The following KCNIP4 variants were observed in gnomAD, a reference collection of about 807,000 sequenced individuals.
KCNIP4 encodes the protein potassium voltage-gated channel interacting protein 4, also known as Kv channel-interacting protein 4.
In KCNIP4, 12 loss-of-function variants were observed where a neutral mutation model predicts 34.0. The observed-to-expected ratio is 0.35, with a 90% CI of 0.23 to 0.57. The LOEUF (loss-of-function observed/expected upper bound fraction) is 0.57. Among genes scored for constraint, KCNIP4 ranks in the 20% least tolerant of loss-of-function variants. KCNIP4 has a pLI of 0.83. For synonymous variants in KCNIP4, 124 were observed against 102.2 expected, an observed-to-expected ratio of 1.21 and a Z score of -1.29; for missense variants, 238 against 311.7, an observed-to-expected ratio of 0.76 and a Z score of 1.78.
intron 1 of KCNIP4, among the ~76,000 whole-genome samples, chr4:20,886,254 G>T (rs537560651): frequency 3.3e-5 from 5 of 152,224 alleles, no homozygotes; most frequent in African/African-American, 1.2e-4. Context: ...AATCCCAGAG[G>T]TGTGCTTCAC....
At chr4:20,944,784 T>C (rs1385318517) in intron 1 of KCNIP4, among the ~76,000 whole-genome samples, 1 of 152,178 alleles carries the variant, frequency 6.6e-6, no homozygotes, top group Admixed American at 6.5e-5. Context: ...CCAGGAAGCT[T>C]TGGGGACAAG....
intron 4 of KCNIP4, among the ~76,000 whole-genome samples, chr4:20,754,297 A>G (rs906102994): frequency 6.6e-6 from 1 of 152,160 alleles, no homozygotes; most frequent in Non-Finnish European, 1.5e-5. Flanking sequence ...ACACAATACA[A>G]ATTGCAGAGA....
At chr4:21,643,702 A>T (rs1182084156) in intron 1 of KCNIP4, among the ~76,000 whole-genome samples, 1 of 152,172 alleles carries the variant, frequency 6.6e-6, no homozygotes, top group Admixed American at 6.5e-5. Context: ...CCCTTCAGCA[A>T]GAAGAAACTC....
intron 1 of KCNIP4, among the ~76,000 whole-genome samples, chr4:21,270,717 T>G (rs1278521125): frequency 6.6e-6 from 1 of 152,140 alleles, no homozygotes; most frequent in Non-Finnish European, 1.5e-5. Context: ...CCAGGTGCGG[T>G]GGCTCACACC....
chr4:21,669,197 C>G (rs1749271066), intron 1 of KCNIP4, among the ~76,000 whole-genome samples: 1 of 145,596 alleles, frequency 6.9e-6, no homozygotes, highest in Non-Finnish European at 1.5e-5. Context: ...GCAAACATAG[C>G]TTGCTGCAGC....
intron 1 of KCNIP4, among the ~76,000 whole-genome samples, chr4:21,364,881 T>C (rs200511217): frequency 1.3e-5 from 2 of 152,148 alleles, no homozygotes; most frequent in East Asian, 3.9e-4. Flanking sequence ...GAGTTGGACT[T>C]CGATGGTTGG....
chr4:21,182,583 C>T (rs1302704347), intron 1 of KCNIP4, among the ~76,000 whole-genome samples: 1 of 151,772 alleles, frequency 6.6e-6, no homozygotes, highest in Non-Finnish European at 1.5e-5. Context: ...TACATTGTAC[C>T]CATTAAGTAA....
In KCNIP4 at chr4:20,925,116, A is replaced by T. The variant is rs1322325507; in HGVS notation, c.62-42407T>A. Among the ~76,000 whole-genome samples the T allele has an allele frequency of 1.2e-4, 18 of 152,210 alleles. 1 individual carries two copies. The highest frequency in any genetic ancestry group is 1.2e-3 in the Admixed American group (18 of 15,278). ...GCTAGTACCATGCTTGTTGCATAAGAGAGAGGCTAATTCATTATATGCAAA... is the reference window on the plus strand; with the variant it reads ...GCTAGTACCATGCTTGTTGCATAAGTGAGAGGCTAATTCATTATATGCAAA... On this transcript the variant is annotated intron_variant, in intron 1 of 8. Transcript: ENST00000382152.
At chr4:21,773,769 T>TTTG (rs1553930270) in intron 1 of KCNIP4, among the ~76,000 whole-genome samples, 3 of 144,258 alleles carry the variant, frequency 2.1e-5, no homozygotes, top group African/African-American at 7.6e-5. Flanking sequence ...GTTTGTTTGT[T>TTTG]TTTGTTTTGT....
In KCNIP4 at chr4:20,773,443, C is replaced by T. The variant is rs147975619; in HGVS notation, c.289-14553G>A. Among the ~76,000 whole-genome samples, 440 of 152,224 alleles carry T rather than the reference C, an allele frequency of 2.9e-3. 1 individual carries two copies. Among genetic ancestry groups the T allele is most frequent in the African/African-American group, 0.01 (426 of 41,536 alleles). ...GTAAAGCCTCTGTCTCCTCTCCATG[C>T]CAGGCAAAATGACCCAAAAGGAAAC... On this transcript the variant is annotated intron_variant, in intron 3 of 8. Coordinates refer to ENST00000382152, the MANE Select transcript of KCNIP4 (RefSeq NM_025221.6).
intron 1 of KCNIP4, among the ~76,000 whole-genome samples, chr4:21,791,777 G>A (rs1388438959): frequency 2.0e-5 from 3 of 151,850 alleles, no homozygotes; most frequent in Non-Finnish European, 2.9e-5. Flanking sequence ...CGAGGTGGGC[G>A]GATCACCTGA....
At chr4:21,610,217 A>G (rs1262674178) in intron 1 of KCNIP4, among the ~76,000 whole-genome samples, 1 of 152,262 alleles carries the variant, frequency 6.6e-6, no homozygotes, top group Non-Finnish European at 1.5e-5. Flanking sequence ...ATTTATTTTC[A>G]CACAGTTCTG....
chr4:21,904,533 A>T (rs939557721), intron 1 of KCNIP4, among the ~76,000 whole-genome samples: 1 of 152,210 alleles, frequency 6.6e-6, no homozygotes. Context: ...TGTCTCACCA[A>T]ACATCTTTTC....
chr4:21,419,708 T>C (rs1300054811), intron 1 of KCNIP4, among the ~76,000 whole-genome samples: 3 of 152,040 alleles, frequency 2.0e-5, no homozygotes, highest in Non-Finnish European at 2.9e-5. Context: ...AGGAAAATAT[T>C]GAGTTTTTTT....
intron 1 of KCNIP4, among the ~76,000 whole-genome samples, chr4:21,251,219 T>C (rs934575139): frequency 2.0e-5 from 3 of 152,202 alleles, no homozygotes; most frequent in African/African-American, 4.8e-5. Flanking sequence ...TCTATCTATA[T>C]TGTTAGATTA....
At chr4:21,463,939 G>T (rs1729695312) in intron 1 of KCNIP4, among the ~76,000 whole-genome samples, 1 of 151,988 alleles carries the variant, frequency 6.6e-6, no homozygotes, top group Non-Finnish European at 1.5e-5. Context: ...AATGGTGGTT[G>T]TTTCTGGTTG....
chr4:21,829,540 G>A (rs946223540), intron 1 of KCNIP4, among the ~76,000 whole-genome samples: 1 of 152,014 alleles, frequency 6.6e-6, no homozygotes, highest in African/African-American at 2.4e-5. Flanking sequence ...GCAAGAATGA[G>A]TTTTAAAGAA....
intron 1 of KCNIP4, among the ~76,000 whole-genome samples, chr4:21,909,476 C>T (rs569151469): frequency 1.2e-4 from 18 of 152,176 alleles, no homozygotes; most frequent in Admixed American, 9.2e-4. Flanking sequence ...ACCTCCAAAT[C>T]CAGTTATTAC....
chr4:21,147,939 C>CAAAAAAAAAAAAAAAAAAAAAA (rs377562727), intron 1 of KCNIP4, among the ~76,000 whole-genome samples: 15 of 31,010 alleles, frequency 4.8e-4, no homozygotes, highest in Non-Finnish European at 6.2e-4. Flanking sequence ...AACTCCGTCT[C>CAAAAAAAAAAAAAAAAAAAAAA]AAAAAAAAAA....
Sources: gnomAD v4.1 joint callset for allele counts (sites outside exome capture counted in the v4.1 genomes callset) on GRCh38, gnomAD v4.1.1 for gene constraint, MANE v1.5 for transcripts, NCBI Gene and HGNC (gene_info 2026-07-23, HGNC 2026-07-21) for gene names.